Variants in C1orf210 observed in about 807,000 individuals in gnomAD.
C1orf210 encodes chromosome 1 open reading frame 210, also known as type III endosome membrane protein TEMP.
Under a neutral mutation model 3.7 loss-of-function variants are expected in C1orf210, and 3 were observed. The observed-to-expected ratio is 0.81, with a 90% CI of 0.37 to 2.08. The LOEUF (loss-of-function observed/expected upper bound fraction) is 2.08, where lower values mean the gene tolerates loss of function less well. Among genes scored for constraint, C1orf210 ranks in the 30% most tolerant of loss-of-function variants. The probability of loss-of-function intolerance (pLI) is 0.06; values close to 1 mark genes in which losing one functional copy is unlikely to be tolerated. For missense variants in C1orf210, 143 were observed against 147.7 expected, an observed-to-expected ratio of 0.97 and a Z score of 0.17; for synonymous variants, 62 against 61.7, an observed-to-expected ratio of 1.00 and a Z score of -0.02.
rs201724505 is a variant in C1orf210 at position 43,283,091 on chromosome 1, C to T, written c.36G>A (p.Ser12=). The change falls in exon 3 of 3, where the codon TCG becomes TCA. Residue 12 remains serine (S), a synonymous_variant. Coordinates refer to ENST00000523677, the MANE Select transcript of C1orf210 (RefSeq NM_182517.3). ...CCACAGCAGACGCTGTGGGGAGCTC[C>T]GAAGGCCCAACAAGTGCTGCAGAGA... The part of the protein sequence containing the change: ...NETNKTLVGP[S]ELPTASAVAP... The T allele has an allele frequency of 2.2e-4, 355 of 1,613,064 alleles. No homozygotes were observed. Among genetic ancestry groups the T allele is most frequent in the Non-Finnish European group, 2.9e-4 (337 of 1,179,468 alleles).
chr1:43,283,234 C>A lies in C1orf210; in HGVS notation c.19+18G>T, dbSNP rs780030451. The A allele has an allele frequency of 5.0e-6, 8 of 1,613,026 alleles. No homozygotes were observed. In the Admixed American group the frequency reaches 1.3e-4, roughly 27 times the overall value. On this transcript the variant is annotated intron_variant, in intron 2 of 2. Coordinates refer to ENST00000523677, the MANE Select transcript of C1orf210 (RefSeq NM_182517.3). Reference sequence around the variant, plus strand: ...AGGGGAAGCCCCCCACCCCCATCATCCTCCCACTGTCACTCACTTTTGTTT... The same window carrying A: ...AGGGGAAGCCCCCCACCCCCATCATACTCCCACTGTCACTCACTTTTGTTT...
intron 1 of C1orf210, among the ~76,000 whole-genome samples, chr1:43,283,905 G>A (rs568334694): frequency 7.9e-5 from 12 of 152,230 alleles, no homozygotes; most frequent in South Asian, 6.2e-4. Flanking sequence ...CTGAGGACAG[G>A]GGCCCTGGAC....
Position 43,282,935 on chromosome 1 carries a change from G to T in C1orf210, c.192C>A (p.Tyr64Ter). ...CHLCRRYHAS[Y>*]RHRPLPETGR... ...CTGTCTCAGGCAGTGGGCGGTGCCG[G>T]TAGCTGGCATGGTATCGGCGGCAGA... Residue 64 changes from tyrosine to a stop codon, truncating the protein, a stop_gained, in exon 3 of 3, where the codon TAC becomes TAA. Transcript: ENST00000523677. LOFTEE classifies it high-confidence loss of function. 1 of 1,614,192 alleles carries T rather than the reference G, an allele frequency of 6.2e-7. No homozygotes were observed. Among genetic ancestry groups the T allele is most frequent in the Non-Finnish European group, 8.5e-7 (1 of 1,180,018 alleles).
Position 43,283,112 on chromosome 1 carries a change from A to C in C1orf210, c.20-5T>G. 1 of 1,611,384 alleles carries C rather than the reference A, an allele frequency of 6.2e-7. No homozygotes were observed. The highest frequency in any genetic ancestry group is 8.5e-7 in the Non-Finnish European group (1 of 1,178,232). Reference sequence around the variant, plus strand: ...GCTCCGAAGGCCCAACAAGTGCTGCAGAGAAAGGGACAGCATTATAGGTGG... The same window carrying C: ...GCTCCGAAGGCCCAACAAGTGCTGCCGAGAAAGGGACAGCATTATAGGTGG... On this transcript the variant is annotated splice_region_variant and splice_polypyrimidine_tract_variant and intron_variant, in intron 2 of 2. Coordinates refer to ENST00000523677, the MANE Select transcript of C1orf210 (RefSeq NM_182517.3).
At chr1:43,285,638 T>A (rs12032825), upstream of C1orf210, 10,721 of 152,408 alleles carry the variant, frequency 0.07, 621 homozygotes, top group East Asian at 0.2. Flanking sequence ...AGGCAGAGCT[T>A]GACTCACCTG....
At chr1:43,283,143 A>C in intron 2 of C1orf210, 36 bp from the exon 3 acceptor site, 1 of 1,600,704 alleles carries the variant, frequency 6.2e-7, no homozygotes, top group Non-Finnish European at 8.5e-7. Flanking sequence ...GGTGGGCCCC[A>C]GAGGGGGCTC....
chr1:43,284,101 A>G (rs962481016), intron 1 of C1orf210, among the ~76,000 whole-genome samples: 2 of 152,192 alleles, frequency 1.3e-5, no homozygotes, highest in Non-Finnish European at 2.9e-5. Flanking sequence ...ATTATCACCC[A>G]GGGCTGGGGA....
intron 1 of C1orf210, among the ~76,000 whole-genome samples, chr1:43,283,582 T>C (rs561867257): frequency 6.6e-6 from 1 of 151,982 alleles, no homozygotes; most frequent in Non-Finnish European, 1.5e-5. Context: ...AAAAAAAAAA[T>C]AAATTGTAGA....
At position 43,282,522 on chromosome 1, in the gene C1orf210, T is replaced by C. The variant is rs1428326965; in HGVS notation, c.*263A>G. 2.4e-6 allele frequency: 1 copy of C among 424,850 alleles called. No individual in the cohort carries two copies. The highest frequency in any genetic ancestry group is 3.8e-5 in the East Asian group (1 of 26,284). 26.3% of individuals were successfully genotyped at this position (424,850 alleles called of 1,614,324 possible). On this transcript the variant is annotated 3_prime_UTR_variant, in exon 3 of 3. Transcript: ENST00000523677. ...AAAGAAACCAAGAGGCCGAGAGGCA[T>C]GATCACAGAGGGCCTTATGTCCACA...
At position 43,282,857 on chromosome 1, in the gene C1orf210, G is replaced by A. The variant is rs144053731; in HGVS notation, c.270C>T (p.Ile90=). 56 of 1,613,990 alleles carry A rather than the reference G, an allele frequency of 3.5e-5. No individual in the cohort carries two copies. In the Middle Eastern group the frequency reaches 4.9e-4, roughly 14 times the overall value. The change falls in exon 3 of 3, where the codon ATC becomes ATT. Residue 90 remains isoleucine (I), a synonymous_variant. Coordinates refer to ENST00000523677, the MANE Select transcript of C1orf210 (RefSeq NM_182517.3). ...VAEDEDDDGF[I]EDNYIQPGTG... is the part of the protein sequence containing the mutation. ...TCCCAGGCTGAATGTAATTGTCCTC[G>A]ATGAAGCCATCATCATCCTCATCTT...
At position 43,282,857 on chromosome 1, in the gene C1orf210, G is replaced by T. The variant is rs144053731; in HGVS notation, c.270C>A (p.Ile90=). ...VAEDEDDDGF[I]EDNYIQPGTG... ...TCCCAGGCTGAATGTAATTGTCCTC[G>T]ATGAAGCCATCATCATCCTCATCTT... Residue 90 remains isoleucine, a synonymous_variant, in exon 3 of 3, where the codon ATC becomes ATA. Coordinates refer to ENST00000523677, the MANE Select transcript of C1orf210 (RefSeq NM_182517.3). 1.9e-6 allele frequency: 3 copies of T among 1,614,108 alleles called. No individual in the cohort carries two copies. The highest frequency in any genetic ancestry group is 2.5e-6 in the Non-Finnish European group (3 of 1,179,988).
Position 43,282,466 on chromosome 1 carries a change from G to C in C1orf210, c.*319C>G. 3.4e-6 allele frequency: 1 copy of C among 296,092 alleles called. No individual in the cohort carries two copies. The highest frequency in any genetic ancestry group is 6.2e-6 in the Non-Finnish European group (1 of 160,012). The allele number at this position is 296,092 out of a possible 1,614,324, so 18.3% of individuals were successfully genotyped here. ...AAGTGGTGGGAGGGAGAATAACATT[G>C]ATTTCGACAGTAAAGTAGGGGAAGG... On this transcript the variant is annotated 3_prime_UTR_variant, in exon 3 of 3. Coordinates refer to ENST00000523677, the MANE Select transcript of C1orf210 (RefSeq NM_182517.3).
chr1:43,283,944 G>A lies in C1orf210; in HGVS notation c.-98-576C>T, dbSNP rs557045169. 2.6e-5 allele frequency among the ~76,000 whole-genome samples: 4 copies of A among 152,304 alleles called. No individual in the cohort carries two copies. The East Asian group carries it at 7.7e-4, about 29-fold the overall frequency. On this transcript the variant is annotated intron_variant, in intron 1 of 2. Transcript: ENST00000523677. The stretch of plus-strand genomic sequence containing the variant: ...GCCAGAGCAGCCCTGGCCCTTCTAA[G>A]TTGAAAGCCGCTGCTGCCCACCTCT...
chr1:43,283,007 C>G lies in C1orf210; in HGVS notation c.120G>C (p.Gly40=). The G allele has an allele frequency of 6.2e-7, 1 of 1,614,092 alleles. No individual in the cohort carries two copies. The highest frequency in any genetic ancestry group is 8.5e-7 in the Non-Finnish European group (1 of 1,179,934). ...CAATGAGGAGCGAGAGGACCACAGC[C>G]CCCAGCACAAATCCTACCAGCACAG... ...AWPVLVGFVL[G]AVVLSLLIAL... is the part of the protein sequence containing the mutation. The change falls in exon 3 of 3, where the codon GGG becomes GGC. Residue 40 remains glycine, a synonymous_variant. Coordinates refer to ENST00000523677, the MANE Select transcript of C1orf210 (RefSeq NM_182517.3).
Position 43,282,848 on chromosome 1 carries a change from A to C in C1orf210, c.279T>G (p.Asn93Lys). The C allele has an allele frequency of 6.2e-7, 1 of 1,614,002 alleles. No individual in the cohort carries two copies. Among genetic ancestry groups the C allele is most frequent in the Non-Finnish European group, 8.5e-7 (1 of 1,179,950 alleles). ...DEDDDGFIED[N>K]YIQPGTGELG... ...GCTCGCCAGTCCCAGGCTGAATGTA[A>C]TTGTCCTCGATGAAGCCATCATCAT... Residue 93 changes from asparagine (N) to lysine (K), a missense_variant, in exon 3 of 3, where the codon AAT (asparagine) becomes AAG (lysine). By Grantham distance (94) the Asn-to-Lys change is moderately conservative. Transcript: ENST00000523677.
chr1:43,283,219 C>T, intron 2 of C1orf210, 33 bp downstream of exon 2: 1 of 1,610,458 alleles, frequency 6.2e-7, no homozygotes, highest in Non-Finnish European at 8.5e-7. Flanking sequence ...AGGGGAAGCC[C>T]CCCACCCCCA....
In C1orf210 at chr1:43,282,417, A is replaced by G. The variant is rs74469123; in HGVS notation, c.*368T>C. On this transcript the variant is annotated 3_prime_UTR_variant, in exon 3 of 3. Transcript: ENST00000523677. The stretch of plus-strand genomic sequence containing the variant: ...TAGGCAGGGGGACCAATGTGAGCAA[A>G]GGTGCCTGGGGAAACTGCATGGGAA... The G allele has an allele frequency of 0.038, 7,727 of 204,372 alleles. 640 individuals are homozygous for G. Among genetic ancestry groups the G allele is most frequent in the African/African-American group, 0.17 (7,342 of 43,266 alleles). 12.7% of individuals were successfully genotyped at this position (204,372 alleles called of 1,614,324 possible). A position where few individuals can be genotyped will look rare whatever the true frequency, so the allele number is the denominator to read the frequency against.
chr1:43,283,182 G>A (rs1646558375), intron 2 of C1orf210, 70 bp downstream of exon 2: 5 of 1,598,558 alleles, frequency 3.1e-6, no homozygotes, highest in Non-Finnish European at 4.3e-6. Flanking sequence ...AGTGCAGGTA[G>A]GGTCCTTCCC....
In C1orf210 at chr1:43,282,953, G is replaced by A. The variant is rs1469786011; in HGVS notation, c.174C>T (p.Arg58=). The A allele has an allele frequency of 7.4e-6, 12 of 1,614,182 alleles. No individual in the cohort carries two copies. Among genetic ancestry groups the A allele is most frequent in the Non-Finnish European group, 9.3e-6 (11 of 1,180,014 alleles). The change falls in exon 3 of 3, where the codon CGC becomes CGT. Residue 58 remains arginine (R), a synonymous_variant. Transcript: ENST00000523677. ...GGTGCCGGTAGCTGGCATGGTATCG[G>A]CGGCAGAGGTGGCATTTGGCAGCAA... is the stretch of plus-strand genomic sequence containing the variant. ...IALAAKCHLC[R]RYHASYRHRP...
Sources: gnomAD v4.1 joint callset for allele counts (sites outside exome capture counted in the v4.1 genomes callset) on GRCh38, gnomAD v4.1.1 for gene constraint, MANE v1.5 for transcripts, NCBI Gene and HGNC (gene_info 2026-07-23, HGNC 2026-07-21) for gene names.